Variants in MSI2 observed in about 807,000 individuals in gnomAD.
The protein encoded by MSI2 is musashi RNA binding protein 2.
MSI2 carries 17 observed loss-of-function variants against 45.6 expected under a neutral mutation model. The observed-to-expected ratio is 0.37, with a 90% CI of 0.26 to 0.56. The LOEUF (loss-of-function observed/expected upper bound fraction) is 0.56, where lower values mean the gene tolerates loss of function less well. Among genes scored for constraint, MSI2 ranks in the 20% least tolerant of loss-of-function variants. The pLI is 0.77. For missense variants in MSI2, 293 were observed against 444.2 expected (o/e 0.66, Z 3.06); for synonymous variants, 156 against 158.2 (o/e 0.99, Z 0.11).
chr17:57,608,972 A>G (rs1406439166), intron 8 of MSI2, among the ~76,000 whole-genome samples: 1 of 152,164 alleles, frequency 6.6e-6, no homozygotes, highest in Non-Finnish European at 1.5e-5. Context: ...CTGGATGGCA[A>G]AGGAGGGCTG....
At chr17:57,546,034 C>T (rs8081302) in intron 7 of MSI2, among the ~76,000 whole-genome samples, 6,635 of 152,136 alleles carry the variant, frequency 0.044, 471 homozygotes, top group African/African-American at 0.15. Flanking sequence ...CTGCTGGGTG[C>T]GAAGGCCACA....
intron 6 of MSI2, among the ~76,000 whole-genome samples, chr17:57,446,151 G>A (rs2084896365): frequency 6.6e-6 from 1 of 152,146 alleles, no homozygotes; most frequent in Admixed American, 6.5e-5. Flanking sequence ...TGGGGAGTGG[G>A]GTGGGGTGTG....
chr17:57,462,509 A>G (rs1567838492), intron 6 of MSI2, among the ~76,000 whole-genome samples: 1 of 152,180 alleles, frequency 6.6e-6, no homozygotes, highest in Non-Finnish European at 1.5e-5. Context: ...TGGAACATTG[A>G]CTAACTCCTC....
At chr17:57,304,440 TGAGACCG>T (rs1911710157) in intron 5 of MSI2, among the ~76,000 whole-genome samples, 1 of 150,640 alleles carries the variant, frequency 6.6e-6, no homozygotes. Flanking sequence ...TTTTTCCTTT[TGAGACCG>T]AGTCTCACTC....
chr17:57,510,245 C>T lies in MSI2; in HGVS notation c.406-19431C>T, dbSNP rs562117670. ...CCTTGGGTGGGGAGGGTGCCTGGGC[C>T]CCTGAGGCCCTCTTGATGAGGTGGG... On this transcript the variant is annotated intron_variant, in intron 6 of 13. Coordinates refer to ENST00000284073, the MANE Select transcript of MSI2 (RefSeq NM_138962.4). Among the ~76,000 whole-genome samples the T allele has an allele frequency of 2.6e-4, 40 of 152,010 alleles. 3 individuals are homozygous for T. Among genetic ancestry groups the T allele is most frequent in the African/African-American group, 9.7e-4 (40 of 41,342 alleles).
intron 6 of MSI2, among the ~76,000 whole-genome samples, chr17:57,432,104 T>C (rs1299361114): frequency 6.6e-6 from 1 of 152,202 alleles, no homozygotes; most frequent in East Asian, 1.9e-4. Context: ...TTCCATTAAA[T>C]ATTAAGCTTG....
rs143147945 is a variant in MSI2, at chr17:57,564,911, T to A, written c.455-31957T>A. 7.6e-3 allele frequency among the ~76,000 whole-genome samples: 1,163 copies of A among 152,328 alleles called. 13 individuals are homozygous for A. The highest frequency in any genetic ancestry group is 0.01 in the Middle Eastern group (3 of 294). On this transcript the variant is annotated intron_variant, in intron 7 of 13. Transcript: ENST00000284073. ...TTGGCGCAATCGTGACGCCTTGGGT[T>A]GTTGGTTACCATTCTGTGCGTTTAT...
At chr17:57,369,758 T>C (rs1018778893) in intron 5 of MSI2, among the ~76,000 whole-genome samples, 4 of 152,324 alleles carry the variant, frequency 2.6e-5, no homozygotes, top group South Asian at 4.1e-4. Flanking sequence ...GTCATCCCAT[T>C]TTATAGATGA....
intron 10 of MSI2, among the ~76,000 whole-genome samples, chr17:57,645,442 T>TG (rs1034774476): frequency 4.5e-4 from 64 of 141,966 alleles, no homozygotes; most frequent in Middle Eastern, 3.5e-3. Flanking sequence ...TGTTTTTTGG[T>TG]TTTTTTTTTT....
chr17:57,522,757 T>G (rs1333220356), intron 6 of MSI2: 1 of 152,196 alleles, frequency 6.6e-6, no homozygotes, highest in African/African-American at 2.4e-5. Context: ...GATTAGAACC[T>G]GGACTCCCTC....
At chr17:57,697,497 T>G in the MSI2 span, among the ~76,000 whole-genome samples, 1 of 152,142 alleles carries the variant, frequency 6.6e-6, no homozygotes, top group South Asian at 2.1e-4. Flanking sequence ...TTCCCACTGC[T>G]TCCCTCACAC....
chr17:57,379,675 C>T (rs2083565032), intron 5 of MSI2, among the ~76,000 whole-genome samples: 1 of 152,130 alleles, frequency 6.6e-6, no homozygotes, highest in African/African-American at 2.4e-5. Flanking sequence ...TGCTGTCCTG[C>T]AGGCTGGCGA....
chr17:57,557,073 G>A (rs148795489), intron 7 of MSI2, among the ~76,000 whole-genome samples: 1 of 152,112 alleles, frequency 6.6e-6, no homozygotes, highest in African/African-American at 2.4e-5. Context: ...TGTTGGGATC[G>A]CCAAGATGCC....
At chr17:57,564,694 A>G (rs999155004) in intron 7 of MSI2, among the ~76,000 whole-genome samples, 1 of 152,128 alleles carries the variant, frequency 6.6e-6, no homozygotes, top group African/African-American at 2.4e-5. Flanking sequence ...TGTCTCCCTG[A>G]CCTTTGGAAT....
intron 5 of MSI2, among the ~76,000 whole-genome samples, chr17:57,324,548 A>G (rs545512517): frequency 9.1e-4 from 138 of 152,270 alleles, no homozygotes; most frequent in South Asian, 2.5e-3. Context: ...GCCCATGGAT[A>G]CTTATATCTA....
chr17:57,322,327 T>C (rs995566330), intron 5 of MSI2, among the ~76,000 whole-genome samples: 1 of 152,176 alleles, frequency 6.6e-6, no homozygotes, highest in Non-Finnish European at 1.5e-5. Context: ...CACTTTGTGG[T>C]CAGGGTTTGG....
intron 5 of MSI2, among the ~76,000 whole-genome samples, chr17:57,357,182 C>G (rs1916487629): frequency 6.6e-6 from 1 of 152,096 alleles, no homozygotes; most frequent in Non-Finnish European, 1.5e-5. Context: ...GCCACAAAGA[C>G]CCTGCTTTCT....
At chr17:57,449,681 T>G (rs1467717986) in intron 6 of MSI2, 1 of 152,230 alleles carries the variant, frequency 6.6e-6, no homozygotes, top group Non-Finnish European at 1.5e-5. Flanking sequence ...CGACAGATTT[T>G]TTTCCCTTTC....
At chr17:57,488,251 G>A (rs1251965297) in intron 6 of MSI2, among the ~76,000 whole-genome samples, 2 of 152,158 alleles carry the variant, frequency 1.3e-5, no homozygotes, top group African/African-American at 2.4e-5. Flanking sequence ...GTCCCAGGAG[G>A]AAATGATATT....
Sources: allele counts gnomAD v4.1 joint callset (sites outside exome capture counted in the v4.1 genomes callset), GRCh38; gene constraint gnomAD v4.1.1; transcripts MANE v1.5; gene names NCBI Gene and HGNC (gene_info 2026-07-23, HGNC 2026-07-21).